A2M: variants seen among roughly 807,000 people sequenced by gnomAD.
The protein encoded by A2M is alpha-2-macroglobulin, also known as C3 and PZP-like alpha-2-macroglobulin domain-containing protein 5.
A neutral mutation model predicts 183.9 loss-of-function variants in A2M; 128 were observed. The ratio of observed to expected loss-of-function variants is 0.70; its 90% CI spans 0.60 to 0.81. A2M has a LOEUF of 0.81. Ranked by LOEUF, A2M falls within the 30% of genes least tolerant of loss-of-function variation. A2M has a pLI of 0.00. For missense variants in A2M, 1,495 were observed against 1,787.6 expected (o/e 0.84, Z 2.95); for synonymous variants, 592 against 670.8 (o/e 0.88, Z 1.81).
intron 31 of A2M, among the ~76,000 whole-genome samples, chr12:9,070,825 A>AT (rs11438631): frequency 0.38 from 55,575 of 145,732 alleles, 11,036 homozygotes; most frequent in African/African-American, 0.5. Context: ...GAGGATCTGC[A>AT]TTTTTTTTTT....
At chr12:9,083,506 T>TA (rs1334793828) in intron 22 of A2M, among the ~76,000 whole-genome samples, 1 of 151,412 alleles carries the variant, frequency 6.6e-6, no homozygotes, top group Admixed American at 6.6e-5. Context: ...ATACAATGAC[T>TA]AAAATTAAAA....
chr12:9,108,167 C>A (rs1938449205), intron 7 of A2M, among the ~76,000 whole-genome samples: 1 of 151,786 alleles, frequency 6.6e-6, no homozygotes, highest in Admixed American at 6.6e-5. Context: ...GCTCTGTCGC[C>A]CAGGCTGGAG....
At chr12:9,108,373 A>G (rs899870854) in intron 7 of A2M, among the ~76,000 whole-genome samples, 3 of 151,952 alleles carry the variant, frequency 2.0e-5, no homozygotes, top group Non-Finnish European at 4.4e-5. Context: ...TGATCTGCCC[A>G]CCTCAGCCTC....
At position 9,093,599 on chromosome 12, in the gene A2M, A is replaced by C. The variant is rs767862597; in HGVS notation, c.2126-20T>G. On this transcript the variant is annotated intron_variant, in intron 17 of 35. Coordinates refer to ENST00000318602, the MANE Select transcript of A2M (RefSeq NM_000014.6). ...CTGACTCTATGGTGAGTGAGGAAGA[A>C]GACATTACAATAAACATACAGATAA... 7 of 1,415,642 alleles carry C rather than the reference A, an allele frequency of 4.9e-6. No individual in the cohort carries two copies. The South Asian group carries it at 9.3e-5, about 19-fold the overall frequency. The allele number at this position is 1,415,642 out of a possible 1,614,324, so 87.7% of individuals were successfully genotyped here. A position where few individuals can be genotyped will look rare whatever the true frequency, so the allele number is the denominator to read the frequency against.
At chr12:9,099,889 C>T (rs1240580289) in intron 13 of A2M, among the ~76,000 whole-genome samples, 1 of 152,184 alleles carries the variant, frequency 6.6e-6, no homozygotes, top group Non-Finnish European at 1.5e-5. Flanking sequence ...GCTCTTTAAC[C>T]TTCTATGAGC....
At chr12:9,070,451 A>T in intron 32 of A2M, 37 bp downstream of exon 32, 1 of 1,405,752 alleles carries the variant, frequency 7.1e-7, no homozygotes, top group Non-Finnish European at 1.0e-6. Flanking sequence ...TACATCATTA[A>T]ATAAAATAGG....
At chr12:9,100,935 CAAA>C (rs1406647221) in intron 13 of A2M, among the ~76,000 whole-genome samples, 1 of 152,096 alleles carries the variant, frequency 6.6e-6, no homozygotes, top group East Asian at 1.9e-4. Flanking sequence ...TAAAAGACTG[CAAA>C]TTGGGTACAA....
intron 15 of A2M, among the ~76,000 whole-genome samples, chr12:9,095,911 C>T (rs975869015): frequency 3.3e-5 from 5 of 151,414 alleles, no homozygotes; most frequent in African/African-American, 1.2e-4. Context: ...AGGCGCCCGC[C>T]ACCGCGCCCG....
At chr12:9,086,148 G>A (rs1949046063) in intron 22 of A2M, among the ~76,000 whole-genome samples, 1 of 152,102 alleles carries the variant, frequency 6.6e-6, no homozygotes, top group Non-Finnish European at 1.5e-5. Context: ...ATTTTATGAG[G>A]CAAGCATTAC....
chr12:9,107,683 C>G (rs771205852), intron 7 of A2M, 39 bp from the exon 8 acceptor site: 24 of 1,607,840 alleles, frequency 1.5e-5, no homozygotes, highest in Non-Finnish European at 1.9e-5. Flanking sequence ...AGAGCAGACA[C>G]TGAACCTCCC....
chr12:9,070,198 C>G (rs1464086337), intron 32 of A2M, among the ~76,000 whole-genome samples: 1 of 152,130 alleles, frequency 6.6e-6, no homozygotes, highest in Non-Finnish European at 1.5e-5. Flanking sequence ...ATATTTTTCA[C>G]TGGTTCGTGT....
chr12:9,108,328 A>G (rs983019990), intron 7 of A2M, among the ~76,000 whole-genome samples: 7 of 151,874 alleles, frequency 4.6e-5, no homozygotes, highest in South Asian at 2.1e-4. Context: ...GGGTTTCACC[A>G]TGTTAGCCAG....
chr12:9,096,360 C>G (rs943004674), intron 15 of A2M, among the ~76,000 whole-genome samples: 1 of 152,102 alleles, frequency 6.6e-6, no homozygotes, highest in Admixed American at 6.5e-5. Flanking sequence ...TGACATTGCA[C>G]AAAGCTTTGA....
At chr12:9,071,566 G>T (rs988291958) in intron 31 of A2M, among the ~76,000 whole-genome samples, 3 of 152,044 alleles carry the variant, frequency 2.0e-5, no homozygotes, top group African/African-American at 7.2e-5. Flanking sequence ...CTGAATTGTT[G>T]TTTTTTTCTG....
chr12:9,102,012 A>G (rs1024012786), intron 11 of A2M, among the ~76,000 whole-genome samples: 5 of 152,178 alleles, frequency 3.3e-5, no homozygotes, highest in Admixed American at 6.5e-5. Flanking sequence ...CATTGAGGAG[A>G]GTAAATAATC....
intron 29 of A2M, 63 bp from the exon 30 acceptor site, chr12:9,072,934 T>C: frequency 7.2e-7 from 1 of 1,384,254 alleles, no homozygotes; most frequent in Non-Finnish European, 1.0e-6. Context: ...GGCTGAGATA[T>C]TTTTCAAAGA....
At position 9,072,836 on chromosome 12, in the gene A2M, A is replaced by G. The variant is rs1592329853; in HGVS notation, c.3792T>C (p.Tyr1264=). Residue 1264 remains tyrosine (Y), a synonymous_variant, in exon 30 of 36, where the codon TAT becomes TAC. Coordinates refer to ENST00000318602, the MANE Select transcript of A2M (RefSeq NM_000014.6). ...CAGTCCTGGTAAATGTGGCTGCTCC[A>G]TATTTGGACAGAGCATGGAGAGCCA... ...TVVALHALSK[Y]GAATFTRTGK... is the part of the protein sequence containing the mutation. The G allele has an allele frequency of 2.5e-6, 4 of 1,614,096 alleles. No individual in the cohort carries two copies. The Admixed American group carries it at 5.0e-5, about 20-fold the overall frequency.
At chr12:9,104,549 C>A in intron 10 of A2M, 149 bp from the exon 11 acceptor site, 1 of 743,114 alleles carries the variant, frequency 1.3e-6, no homozygotes, top group Non-Finnish European at 2.1e-6. Flanking sequence ...GAAGTTTCTT[C>A]CATCACAGAG....
chr12:9,092,441 G>A (rs935083590), intron 18 of A2M, among the ~76,000 whole-genome samples: 2 of 151,888 alleles, frequency 1.3e-5, no homozygotes, highest in Admixed American at 6.6e-5. Flanking sequence ...AATACAGAGA[G>A]AACAGGCAAA....
Sources: allele counts gnomAD v4.1 joint callset (sites outside exome capture counted in the v4.1 genomes callset), GRCh38; gene constraint gnomAD v4.1.1; transcripts MANE v1.5; gene names NCBI Gene and HGNC (gene_info 2026-07-23, HGNC 2026-07-21).